The following SMAD1 variants were observed in gnomAD, a reference collection of about 807,000 sequenced individuals.
SMAD1 encodes the protein SMAD family member 1.
A neutral mutation model predicts 41.6 loss-of-function variants in SMAD1; 6 were observed. That is an observed-to-expected ratio of 0.14 (90% CI 0.08 to 0.28). The LOEUF is 0.28. Among genes scored for constraint, SMAD1 ranks in the 10% least tolerant of loss-of-function variants. The probability of loss-of-function intolerance (pLI) is 1.00; values close to 1 mark genes in which losing one functional copy is unlikely to be tolerated. For missense variants in SMAD1, 379 were observed against 582.6 expected (o/e 0.65, Z 3.60); for synonymous variants, 206 against 203.2 (o/e 1.01, Z -0.12).
rs561100539 is a variant in SMAD1, at chr4:145,548,458, C to A, written c.997+1534C>A. On this transcript the variant is annotated intron_variant, in intron 5 of 6. Transcript: ENST00000302085. ...GTTGGCTAGGCTGGTCTCGAACTAA[C>A]CTCAAACGATCAGCCTGCCTTGGCC... Among the ~76,000 whole-genome samples, 16 of 152,144 alleles carry A rather than the reference C, an allele frequency of 1.1e-4. No homozygotes were observed. The South Asian group carries it at 1.7e-3, about 16-fold the overall frequency.
In SMAD1 at chr4:145,501,814, A is replaced by C. The variant is rs549242923; in HGVS notation, c.-176-12624A>C. The stretch of plus-strand genomic sequence containing the variant: ...CTACTTACCAGAATATGGTCTGGAG[A>C]AAGTTACTTTAACCTCTGAGCCTCA... On this transcript the variant is annotated intron_variant, in intron 1 of 6. Coordinates refer to ENST00000302085, the MANE Select transcript of SMAD1 (RefSeq NM_005900.3). Among the ~76,000 whole-genome samples, 8 of 152,124 alleles carry C rather than the reference A, an allele frequency of 5.3e-5. No individual in the cohort carries two copies. The South Asian group carries it at 1.7e-3, about 32-fold the overall frequency.
In SMAD1 at chr4:145,550,899, G is replaced by A. The variant is rs909920441; in HGVS notation, c.998-2885G>A. 3.3e-5 allele frequency among the ~76,000 whole-genome samples: 5 copies of A among 152,154 alleles called. No homozygotes were observed. In the East Asian group the frequency reaches 9.6e-4, roughly 29 times the overall value. Reference sequence around the variant, plus strand: ...GAAAATTTGAATAAATAGGCAGTCTGTGTTCCTTAAAGGGAAGGCTTAATA... The same window carrying A: ...GAAAATTTGAATAAATAGGCAGTCTATGTTCCTTAAAGGGAAGGCTTAATA... On this transcript the variant is annotated intron_variant, in intron 5 of 6. Transcript: ENST00000302085.
chr4:145,548,095 A>G (rs1427342609), intron 5 of SMAD1, among the ~76,000 whole-genome samples: 2 of 152,214 alleles, frequency 1.3e-5, no homozygotes, highest in Non-Finnish European at 2.9e-5. Context: ...AGAAGTGCTT[A>G]TGGAACTCAT....
In SMAD1 at chr4:145,550,017, A is replaced by G. The variant is rs185793070; in HGVS notation, c.997+3093A>G. ...GCAAAGAAAAATTGTGCTATGGGAC[A>G]TTTCCTCCTAAAACATTATTAAGAA... is the stretch of plus-strand genomic sequence containing the variant. On this transcript the variant is annotated intron_variant, in intron 5 of 6. Coordinates refer to ENST00000302085, the MANE Select transcript of SMAD1 (RefSeq NM_005900.3). Among the ~76,000 whole-genome samples the G allele has an allele frequency of 2.8e-3, 424 of 152,290 alleles. 1 individual carries two copies. Among genetic ancestry groups the G allele is most frequent in the Non-Finnish European group, 4.3e-3 (294 of 68,006 alleles).
intron 2 of SMAD1, among the ~76,000 whole-genome samples, chr4:145,519,650 T>TC (rs1730629215): frequency 1.2e-5 from 1 of 86,832 alleles, no homozygotes; most frequent in African/African-American, 5.7e-5. Flanking sequence ...AGACTCTGTA[T>TC]CAAAAAAAAA....
intron 1 of SMAD1, among the ~76,000 whole-genome samples, chr4:145,502,684 T>A (rs1729516129): frequency 6.6e-6 from 1 of 152,220 alleles, no homozygotes; most frequent in Non-Finnish European, 1.5e-5. Context: ...AAACTACAGT[T>A]ATATCCTTAG....
At chr4:145,488,379 T>G (rs939265710) in intron 1 of SMAD1, among the ~76,000 whole-genome samples, 2 of 152,148 alleles carry the variant, frequency 1.3e-5, no homozygotes, top group Admixed American at 6.6e-5. Context: ...TCCCCTTAAT[T>G]GTAGGGCTGC....
intron 1 of SMAD1, among the ~76,000 whole-genome samples, chr4:145,501,008 C>A (rs1729407854): frequency 6.6e-6 from 1 of 152,170 alleles, no homozygotes; most frequent in Non-Finnish European, 1.5e-5. Context: ...AGCTGCAGTT[C>A]AAACCTATTC....
chr4:145,516,202 T>TA (rs1295055659), intron 2 of SMAD1, among the ~76,000 whole-genome samples: 3 of 152,196 alleles, frequency 2.0e-5, no homozygotes, highest in Non-Finnish European at 4.4e-5. Context: ...TGCATGTTTT[T>TA]ATACTGTTAT....
chr4:145,490,712 GA>G (rs756511099), intron 1 of SMAD1, among the ~76,000 whole-genome samples: 1 of 152,246 alleles, frequency 6.6e-6, no homozygotes, highest in East Asian at 1.9e-4. Flanking sequence ...ATGAAGTAGT[GA>G]AATATCAAGT....
chr4:145,481,807 A>C (rs1728188085), upstream of SMAD1: 1 of 180,122 alleles, frequency 5.6e-6, no homozygotes, highest in Non-Finnish European at 1.1e-5. Context: ...TTGGCAGCTG[A>C]GGAGTGGAGG....
chr4:145,557,370 T>A (rs1732900651), intron 6 of SMAD1, among the ~76,000 whole-genome samples: 1 of 152,200 alleles, frequency 6.6e-6, no homozygotes. Context: ...AGTGGCTGAA[T>A]AGGGAAGAAA....
At chr4:145,505,279 T>C (rs973976599) in intron 1 of SMAD1, among the ~76,000 whole-genome samples, 3 of 152,182 alleles carry the variant, frequency 2.0e-5, no homozygotes, top group African/African-American at 7.2e-5. Context: ...CACCAGGCCT[T>C]GAATCCTATC....
intron 1 of SMAD1, chr4:145,503,119 C>T (rs1729553401): frequency 6.6e-6 from 1 of 152,222 alleles, no homozygotes; most frequent in East Asian, 1.9e-4. Context: ...AATAAATTTT[C>T]AGTGGGAAAA....
chr4:145,528,162 G>A (rs1204389993), intron 2 of SMAD1, among the ~76,000 whole-genome samples: 1 of 151,058 alleles, frequency 6.6e-6, no homozygotes, highest in African/African-American at 2.4e-5. Context: ...GGAGTGCAGT[G>A]GCACGATCTT....
At chr4:145,481,728 G>T, upstream of SMAD1, 1 of 181,754 alleles carries the variant, frequency 5.5e-6, no homozygotes, top group South Asian at 1.3e-4. Context: ...TCGCGCGGCA[G>T]CGGCGGCGGC....
rs1275009094 is a variant in SMAD1, at chr4:145,482,255, G to A, written c.-177+217G>A. On this transcript the variant is annotated intron_variant, in intron 1 of 6. Coordinates refer to ENST00000302085, the MANE Select transcript of SMAD1 (RefSeq NM_005900.3). This position sits in a 1 kb window ranked among gnomAD's most constrained non-coding sequence, Gnocchi z 4.2. Reference sequence around the variant, plus strand: ...CCCCCCATGATGGCGCCTCCCGTCTGCTCGGAGGAGCGAACCTGCTACCAC... The same window carrying A: ...CCCCCCATGATGGCGCCTCCCGTCTACTCGGAGGAGCGAACCTGCTACCAC... 6.8e-6 allele frequency among the ~76,000 whole-genome samples: 1 copy of A among 147,874 alleles called. No individual in the cohort carries two copies. Among genetic ancestry groups the A allele is most frequent in the African/African-American group, 2.5e-5 (1 of 40,180 alleles).
At chr4:145,498,597 C>A (rs1225583275) in intron 1 of SMAD1, among the ~76,000 whole-genome samples, 2 of 152,162 alleles carry the variant, frequency 1.3e-5, no homozygotes, top group African/African-American at 4.8e-5. Flanking sequence ...CAGCTCACTC[C>A]TAAAGGTAAC....
rs925902031 is a variant in SMAD1 at position 145,553,953 on chromosome 4, T to C, written c.1167T>C (p.Ala389=). The C allele has an allele frequency of 6.2e-7, 1 of 1,614,056 alleles. No individual in the cohort carries two copies. Among genetic ancestry groups the C allele is most frequent in the African/African-American group, 1.3e-5 (1 of 75,036 alleles). ...AAATTTTTAACAACCAAGAATTTGC[T>C]CAGTTATTGGCACAGTCTGTGAACC... is the stretch of plus-strand genomic sequence containing the variant. The part of the protein sequence containing the change: ...SLKIFNNQEF[A]QLLAQSVNHG... The change falls in exon 6 of 7, where the codon GCT becomes GCC. Residue 389 remains alanine, a synonymous_variant. Transcript: ENST00000302085.
Sources: gnomAD v4.1 joint callset for allele counts (sites outside exome capture counted in the v4.1 genomes callset) on GRCh38, gnomAD v4.1.1 for gene constraint, Gnocchi (gnomAD v3.1) non-coding constraint, MANE v1.5 for transcripts, NCBI Gene and HGNC (gene_info 2026-07-23, HGNC 2026-07-21) for gene names.